The following RFC1 variants were observed in gnomAD, a reference collection of about 807,000 sequenced individuals.
RFC1 encodes A1 140 kDa subunit.
RFC1 carries 37 observed loss-of-function variants against 137.4 expected under a neutral mutation model. That is an observed-to-expected ratio of 0.27 (90% CI 0.21 to 0.35). The LOEUF (loss-of-function observed/expected upper bound fraction) is 0.35, where lower values mean the gene tolerates loss of function less well. RFC1 is among the 10% of genes least tolerant of loss of function. The probability of loss-of-function intolerance (pLI) is 1.00; values close to 1 mark genes in which losing one functional copy is unlikely to be tolerated. For missense variants in RFC1, 1,205 were observed against 1,358.5 expected (o/e 0.89, Z 1.78); for synonymous variants, 429 against 455.7 (o/e 0.94, Z 0.75).
In RFC1 at chr4:39,304,923, C is replaced by T; in HGVS notation, c.2001G>A (p.Leu667=). 6.3e-7 allele frequency: 1 copy of T among 1,597,324 alleles called. No individual in the cohort carries two copies. The highest frequency in any genetic ancestry group is 8.6e-7 in the Non-Finnish European group (1 of 1,164,966). Reference sequence around the variant, plus strand: ...CATTCAGTTCCACGTAGCTGTATCCCAACTCCTAATCAAAATATTGGAAAC... The same window carrying T: ...CATTCAGTTCCACGTAGCTGTATCCTAACTCCTAATCAAAATATTGGAAAC... ...TTTASLVCQE[L]GYSYVELNAS... is the part of the protein sequence containing the mutation. The change falls in exon 15 of 25, where the codon TTG becomes TTA. Residue 667 remains leucine, a synonymous_variant. Transcript: ENST00000349703.
chr4:39,335,884 G>A (rs570169378), intron 4 of RFC1, among the ~76,000 whole-genome samples: 10 of 151,722 alleles, frequency 6.6e-5, no homozygotes, highest in Non-Finnish European at 1.2e-4. Flanking sequence ...ATTATATATT[G>A]TATTGTATTA....
chr4:39,327,625 A>C lies in RFC1; in HGVS notation c.463T>G (p.Leu155Val), dbSNP rs1739843841. The change falls in exon 5 of 25, where the codon TTA (leucine) becomes GTA (valine). Residue 155 changes from leucine to valine, a missense_variant. Leu to Val is a conservative substitution (Grantham distance 32). Around this residue, in one of 3 missense-constraint regions of RFC1, gnomAD observed 962 missense variants for 1,035.3 expected, o/e 0.93. Coordinates refer to ENST00000349703, the MANE Select transcript of RFC1 (RefSeq NM_002913.5). Reference protein sequence around the residue: ...EENTKTKNKPLSPIKLTPTSV... With the variant: ...EENTKTKNKPVSPIKLTPTSV... ...GTGGGTGTAAGTTTTATTGGTGATA[A>C]AGGCTTATTCTTGGTCTTAGTGTTT... 6.2e-7 allele frequency: 1 copy of C among 1,613,620 alleles called. No homozygotes were observed. The highest frequency in any genetic ancestry group is 8.5e-7 in the Non-Finnish European group (1 of 1,179,834).
chr4:39,327,994 G>A (rs1739867221), intron 4 of RFC1, among the ~76,000 whole-genome samples: 1 of 152,052 alleles, frequency 6.6e-6, no homozygotes, highest in South Asian at 2.1e-4. Flanking sequence ...AAATTAGCCA[G>A]GCATGGTGGT....
intron 4 of RFC1, among the ~76,000 whole-genome samples, chr4:39,331,225 A>G (rs958186275): frequency 3.3e-5 from 5 of 152,180 alleles, no homozygotes; most frequent in African/African-American, 1.2e-4. Context: ...TATAATGTTT[A>G]TTTGCTTTAA....
chr4:39,296,255 T>C (rs961781885), intron 21 of RFC1, among the ~76,000 whole-genome samples: 34 of 150,462 alleles, frequency 2.3e-4, no homozygotes, highest in Non-Finnish European at 4.7e-4. Flanking sequence ...TTTTTCTTTT[T>C]TTTTTTTTTA....
At chr4:39,333,689 T>G (rs886303130) in intron 4 of RFC1, among the ~76,000 whole-genome samples, 1 of 152,190 alleles carries the variant, frequency 6.6e-6, no homozygotes, top group East Asian at 1.9e-4. Flanking sequence ...GGGGAGGTTC[T>G]TGTTATGAGC....
chr4:39,365,023 T>TC (rs1741950547), intron 1 of RFC1, among the ~76,000 whole-genome samples: 1 of 152,080 alleles, frequency 6.6e-6, no homozygotes, highest in African/African-American at 2.4e-5. Context: ...AGGGAAGTAG[T>TC]ATAACATGGT....
At chr4:39,361,881 A>G (rs1418561535) in intron 1 of RFC1, among the ~76,000 whole-genome samples, 3 of 151,558 alleles carry the variant, frequency 2.0e-5, no homozygotes, top group Non-Finnish European at 4.4e-5. Context: ...CTAAAAATAC[A>G]AAAAAAAATT....
rs1738965570 is a variant in RFC1, at chr4:39,311,618, A to C, written c.1384-69T>G. 3 of 1,253,326 alleles carry C rather than the reference A, an allele frequency of 2.4e-6. No homozygotes were observed. The South Asian group carries it at 4.2e-5, about 17-fold the overall frequency. 77.6% of individuals were successfully genotyped at this position (1,253,326 alleles called of 1,614,324 possible). A position where few individuals can be genotyped will look rare whatever the true frequency, so the allele number is the denominator to read the frequency against. ...CTACCATTCCCTTCTCTTACAAAAA[A>C]AAAAATTCTAGGGCCTATTAGTAGG... On this transcript the variant is annotated intron_variant, in intron 11 of 24. Coordinates refer to ENST00000349703, the MANE Select transcript of RFC1 (RefSeq NM_002913.5).
intron 1 of RFC1, among the ~76,000 whole-genome samples, chr4:39,363,508 A>G (rs1741859304): frequency 6.6e-6 from 1 of 152,176 alleles, no homozygotes; most frequent in African/African-American, 2.4e-5. Flanking sequence ...CACGTACTTT[A>G]TTTCTTTATT....
At chr4:39,364,747 CA>C (rs921758480) in intron 1 of RFC1, among the ~76,000 whole-genome samples, 6 of 152,126 alleles carry the variant, frequency 3.9e-5, no homozygotes, top group African/African-American at 1.4e-4. Context: ...GCTTAATCCC[CA>C]AAACAATCAC....
intron 4 of RFC1, among the ~76,000 whole-genome samples, chr4:39,333,743 G>C (rs932859511): frequency 2.0e-5 from 3 of 152,142 alleles, no homozygotes; most frequent in African/African-American, 7.2e-5. Context: ...GGGTAACAGA[G>C]CCCTTCTCTG....
Position 39,288,785 on chromosome 4 carries a change from T to A in RFC1, c.3420A>T (p.Gly1140=). The A allele has an allele frequency of 6.2e-7, 1 of 1,612,324 alleles. No individual in the cohort carries two copies. The highest frequency in any genetic ancestry group is 8.5e-7 in the Non-Finnish European group (1 of 1,179,178). ...KPEKDKEPRK[G]KGKSSKK Reference sequence around the variant, plus strand: ...TTCATTTCTTCGAACTTTTTCCTTTTCCTTTTCTGGGCTCCTTATCTTTTT... The same window carrying A: ...TTCATTTCTTCGAACTTTTTCCTTTACCTTTTCTGGGCTCCTTATCTTTTT... The change falls in exon 25 of 25, where the codon GGA becomes GGT. Residue 1140 remains glycine (G), a synonymous_variant. Transcript: ENST00000349703.
intron 6 of RFC1, among the ~76,000 whole-genome samples, chr4:39,324,908 A>C (rs903005099): frequency 1.3e-5 from 2 of 152,214 alleles, no homozygotes; most frequent in African/African-American, 4.8e-5. Flanking sequence ...GAGTTCTAAC[A>C]GCCGGCAGCT....
intron 3 of RFC1, among the ~76,000 whole-genome samples, chr4:39,344,337 C>CA (rs1445625035): frequency 6.6e-6 from 1 of 151,970 alleles, no homozygotes; most frequent in Non-Finnish European, 1.5e-5. Flanking sequence ...AAATGCAACC[C>CA]AAAAAAGCCA....
chr4:39,321,464 G>A (rs981199610), intron 7 of RFC1, 90 bp from the exon 8 acceptor site: 4 of 1,219,412 alleles, frequency 3.3e-6, no homozygotes, highest in Non-Finnish European at 4.7e-6. Flanking sequence ...AAATTTTAAG[G>A]GTCACCTTTC....
In RFC1 at chr4:39,306,584, G is replaced by A. The variant is rs141619871; in HGVS notation, c.1995+8C>T. The A allele has an allele frequency of 2.4e-4, 368 of 1,502,404 alleles. 3 individuals are homozygous for A. The highest frequency in any genetic ancestry group is 2.3e-3 in the South Asian group (203 of 88,776). 93.1% of individuals were successfully genotyped at this position (1,502,404 alleles called of 1,614,324 possible). ...ATCTGTCCGACCACACTGTGACAAC[G>A]CACCCACCTGACACACCAGGGAAGC... On this transcript the variant is annotated splice_region_variant and intron_variant, in intron 14 of 24. Transcript: ENST00000349703.
chr4:39,328,155 T>TA (rs1739878184), intron 4 of RFC1, among the ~76,000 whole-genome samples: 1 of 142,318 alleles, frequency 7.0e-6, no homozygotes. Flanking sequence ...TCCAAGAACT[T>TA]AGAGATGCTA....
rs374739604 is a variant in RFC1, at chr4:39,312,904, T to A, written c.1231A>T (p.Ile411Leu). 23 of 1,612,790 alleles carry A rather than the reference T, an allele frequency of 1.4e-5. No individual in the cohort carries two copies. The highest frequency in any genetic ancestry group is 2.0e-5 in the Non-Finnish European group (23 of 1,179,308). Residue 411 changes from isoleucine to leucine, a missense_variant, in exon 11 of 25, where the codon ATA becomes TTA. Ile to Leu is a conservative substitution (Grantham distance 5, BLOSUM62 2). Coordinates refer to ENST00000349703, the MANE Select transcript of RFC1 (RefSeq NM_002913.5). ...TCCAGCACGCCTGTGATTACAAATATAAGGCCTTCCAAGCAATTTTCAGCT... is the reference window on the plus strand; with the variant it reads ...TCCAGCACGCCTGTGATTACAAATAAAAGGCCTTCCAAGCAATTTTCAGCT... ...KGAENCLEGL[I>L]FVITGVLESI...
Sources: gnomAD v4.1 joint callset for allele counts (sites outside exome capture counted in the v4.1 genomes callset) on GRCh38, gnomAD v4.1.1 for gene constraint, gnomAD v4.1.1 regional missense constraint, MANE v1.5 for transcripts, NCBI Gene and HGNC (gene_info 2026-07-23, HGNC 2026-07-21) for gene names.